SLC2A11: variants seen among roughly 807,000 people sequenced by gnomAD.
SLC2A11 encodes the protein solute carrier family 2 member 11, also known as solute carrier family 2, facilitated glucose transporter member 11.
A neutral mutation model predicts 52.1 loss-of-function variants in SLC2A11; 43 were observed. That is an observed-to-expected ratio of 0.82 (90% CI 0.65 to 1.06). SLC2A11 has a LOEUF of 1.06. Among genes scored for constraint, SLC2A11 ranks in the 50% least tolerant of loss-of-function variants. SLC2A11 has a pLI of 0.00. For synonymous variants in SLC2A11, 261 were observed against 277.6 expected (o/e 0.94, Z 0.59); for missense variants, 582 against 654.2 (o/e 0.89, Z 1.20).
At chr22:23,863,703 GCCC>G (rs2032160788) in intron 2 of SLC2A11, among the ~76,000 whole-genome samples, 1 of 132,936 alleles carries the variant, frequency 7.5e-6, no homozygotes, top group South Asian at 2.7e-4. Context: ...TGCAACCTCC[GCCC>G]CGTCCCGAGC....
chr22:23,874,937 A>G, intron 3 of SLC2A11, 180 bp from the exon 4 acceptor site: 2 of 550,350 alleles, frequency 3.6e-6, no homozygotes, highest in Non-Finnish European at 2.7e-6. Context: ...GTGTAAGTGT[A>G]GGAGCTCTCA....
chr22:23,857,450 AGTGAGC>A (rs1296046437), upstream of SLC2A11: 1 of 1,613,200 alleles, frequency 6.2e-7, no homozygotes, highest in African/African-American at 1.3e-5. Context: ...CCGAGTAAGG[AGTGAGC>A]GGCTTTTCAG....
At chr22:23,881,656 G>A (rs116805682) in intron 6 of SLC2A11, 7,082 of 152,566 alleles carry the variant, frequency 0.046, 227 homozygotes, top group Middle Eastern at 0.1. Flanking sequence ...TGGCAACACC[G>A]CAACAGCCCT....
chr22:23,863,832 T>C lies in SLC2A11; in HGVS notation c.129+1630T>C, dbSNP rs2036224768. On this transcript the variant is annotated intron_variant, in intron 2 of 11. Coordinates refer to ENST00000316185, the MANE Select transcript of SLC2A11 (RefSeq NM_001024939.4). ...TTTTAGTAGAGATGGGGTCTCATCA[T>C]GTTGCCCAGGCTGGTCTCAAACTCC... 2.0e-5 allele frequency among the ~76,000 whole-genome samples: 3 copies of C among 152,234 alleles called. No individual in the cohort carries two copies. The South Asian group carries it at 6.2e-4, about 32-fold the overall frequency.
intron 3 of SLC2A11, chr22:23,872,327 A>C (rs938153672): frequency 2.9e-5 from 4 of 140,208 alleles, no homozygotes; most frequent in African/African-American, 1.1e-4. Flanking sequence ...CCTAGGTGAC[A>C]TAGTGAGACC....
intron 2 of SLC2A11, chr22:23,865,705 A>G (rs2032237370): frequency 6.6e-6 from 1 of 152,266 alleles, no homozygotes; most frequent in Non-Finnish European, 1.5e-5. Flanking sequence ...GGCCAGGGTA[A>G]CTAGACATCA....
intron 3 of SLC2A11, chr22:23,869,357 A>C (rs539886079): frequency 6.5e-6 from 1 of 152,760 alleles, no homozygotes; most frequent in South Asian, 2.1e-4. Flanking sequence ...GCGTGGTGGC[A>C]CACGCCTGTA....
chr22:23,879,835 C>A (rs5996624), intron 6 of SLC2A11: 2 of 152,390 alleles, frequency 1.3e-5, no homozygotes, highest in African/African-American at 4.8e-5. Context: ...TTTTCCTTTT[C>A]TTTCACCTTC....
chr22:23,867,572 G>C (rs2330626), intron 2 of SLC2A11: 303,745 of 405,046 alleles, frequency 0.75, 114,687 homozygotes, highest in African/African-American at 0.87. Flanking sequence ...TGCGCTTATG[G>C]TAATGAGATG....
intron 5 of SLC2A11, chr22:23,877,384 G>A (rs1216907785): frequency 2.2e-6 from 2 of 891,190 alleles, no homozygotes; most frequent in Admixed American, 2.0e-5. Context: ...ATCCTCTCCA[G>A]GTCAGGGAGC....
At position 23,862,152 on chromosome 22, in the gene SLC2A11, G is replaced by A. The variant is rs765793009; in HGVS notation, c.79G>A (p.Gly27Arg). 6.2e-7 allele frequency: 1 copy of A among 1,614,158 alleles called. No individual in the cohort carries two copies. Among genetic ancestry groups the A allele is most frequent in the Non-Finnish European group, 8.5e-7 (1 of 1,180,024 alleles). The change falls in exon 2 of 12, where the codon GGG becomes AGG. Residue 27 changes from glycine to arginine, a missense_variant. By Grantham distance (125) the Gly-to-Arg change is moderately radical. Transcript: ENST00000316185. Reference protein sequence around the residue: ...LLTICAAGIGGTFQFGYNLSI... With the variant: ...LLTICAAGIGRTFQFGYNLSI... ...GACCATCTGCGCTGCCGGCATTGGT[G>A]GGACTTTTCAGTTTGGCTATAACCT...
intron 5 of SLC2A11, chr22:23,877,402 AG>A: frequency 1.2e-6 from 1 of 814,604 alleles, no homozygotes; most frequent in Non-Finnish European, 2.1e-6. Flanking sequence ...AGCAAAGAAC[AG>A]GTCTTCACAG....
intron 1 of SLC2A11, among the ~76,000 whole-genome samples, chr22:23,861,091 C>T (rs551541231): frequency 3.4e-4 from 51 of 151,824 alleles, no homozygotes; most frequent in Non-Finnish European, 5.4e-4. Context: ...GTGATCCGCC[C>T]GCCTCGGCCT....
At chr22:23,861,002 C>T (rs1176750962) in intron 1 of SLC2A11, among the ~76,000 whole-genome samples, 6 of 151,978 alleles carry the variant, frequency 3.9e-5, no homozygotes, top group Non-Finnish European at 8.8e-5. Flanking sequence ...CCCGCCACCA[C>T]GCCTGGCTAA....
chr22:23,857,494 A>C (rs1182924923), upstream of SLC2A11: 2 of 1,613,618 alleles, frequency 1.2e-6, no homozygotes, highest in African/African-American at 1.3e-5. Flanking sequence ...AGGCGGATGG[A>C]GGATGAACTG....
chr22:23,868,005 C>G (rs574825754), intron 2 of SLC2A11: 61 of 322,728 alleles, frequency 1.9e-4, no homozygotes, highest in South Asian at 1.5e-3. Flanking sequence ...GTCAGAAGTG[C>G]AGGAGTTGCA....
chr22:23,883,649 A>G, intron 8 of SLC2A11, 123 bp from the exon 9 acceptor site: 2 of 746,110 alleles, frequency 2.7e-6, no homozygotes, highest in Non-Finnish European at 2.1e-6. Context: ...ATAAAGTCAC[A>G]CTGAAGCAAT....
chr22:23,860,991 G>A (rs888436608), intron 1 of SLC2A11, among the ~76,000 whole-genome samples: 4 of 151,944 alleles, frequency 2.6e-5, no homozygotes, highest in Admixed American at 2.6e-4. Context: ...GTCTACAGGT[G>A]CCCGCCACCA....
intron 1 of SLC2A11, among the ~76,000 whole-genome samples, chr22:23,860,855 T>G (rs1362715012): frequency 6.7e-6 from 1 of 149,498 alleles, no homozygotes; most frequent in African/African-American, 2.5e-5. Flanking sequence ...CTAATTTTTT[T>G]TTTTTTTTGA....
Sources: allele counts gnomAD v4.1 joint callset (sites outside exome capture counted in the v4.1 genomes callset), GRCh38; gene constraint gnomAD v4.1.1; transcripts MANE v1.5; gene names NCBI Gene and HGNC (gene_info 2026-07-23, HGNC 2026-07-21).